The following PIBF1 variants were observed in gnomAD, a reference collection of about 807,000 sequenced individuals.
PIBF1 encodes progesterone immunomodulatory binding factor 1.
A neutral mutation model predicts 112.5 loss-of-function variants in PIBF1; 90 were observed. The ratio of observed to expected loss-of-function variants is 0.80; its 90% confidence interval spans 0.67 to 0.95. The LOEUF is 0.95. PIBF1 is among the 40% of genes least tolerant of loss of function. PIBF1 has a pLI of 0.00. For missense variants in PIBF1, 915 were observed against 852.3 expected (o/e 1.07, Z -0.92); for synonymous variants, 301 against 288.6 (o/e 1.04, Z -0.44).
chr13:73,002,741 T>C (rs1594352256), intron 17 of PIBF1, among the ~76,000 whole-genome samples: 1 of 152,072 alleles, frequency 6.6e-6, no homozygotes, highest in Non-Finnish European at 1.5e-5. Flanking sequence ...CCCAGCACTT[T>C]GAGAGGCCGA....
At chr13:72,783,823 A>C (rs949786151) in intron 2 of PIBF1, 102 bp downstream of exon 2, 1 of 1,094,450 alleles carries the variant, frequency 9.1e-7, no homozygotes, top group African/African-American at 1.6e-5. Context: ...GAAATGATAC[A>C]TTTATATTTC....
chr13:72,885,464 A>G (rs1420728701), intron 10 of PIBF1, among the ~76,000 whole-genome samples: 1 of 152,156 alleles, frequency 6.6e-6, no homozygotes, highest in Non-Finnish European at 1.5e-5. Context: ...CATGGTTACT[A>G]TGACTCCATT....
intron 2 of PIBF1, among the ~76,000 whole-genome samples, chr13:72,786,785 A>C (rs1836612025): frequency 6.6e-6 from 1 of 152,222 alleles, no homozygotes; most frequent in African/African-American, 2.4e-5. Flanking sequence ...TTTCTCTATC[A>C]TACGAGCACT....
At position 72,817,871 on chromosome 13, in the gene PIBF1, T is replaced by C. The variant is rs948028911; in HGVS notation, c.673-3978T>C. On this transcript the variant is annotated intron_variant, in intron 5 of 17. Transcript: ENST00000326291. ...TCCAATGCTATGGCTTACTCTATTT[T>C]AATTGCTAACAATAAATGCAGGAGA... Among the ~76,000 whole-genome samples the C allele has an allele frequency of 3.9e-5, 6 of 152,292 alleles. No individual in the cohort carries two copies. The East Asian group carries it at 1.2e-3, about 29-fold the overall frequency.
intron 5 of PIBF1, among the ~76,000 whole-genome samples, chr13:72,809,129 TC>T (rs1566297420): frequency 1.6e-5 from 2 of 126,706 alleles, no homozygotes; most frequent in African/African-American, 2.9e-5. Flanking sequence ...GCAGTATATG[TC>T]CCTTTTTTTT....
chr13:72,835,324 T>A lies in PIBF1; in HGVS notation c.1179T>A (p.Asp393Glu), dbSNP rs1282653111. The A allele has an allele frequency of 1.3e-6, 2 of 1,595,330 alleles. No homozygotes were observed. The highest frequency in any genetic ancestry group is 1.7e-6 in the Non-Finnish European group (2 of 1,172,420). Reference sequence around the variant, plus strand: ...GATTGAAAACCAACCAAGAAATTGATCAACTTCGAAATGCCTCTAGGGAAA... The same window carrying A: ...GATTGAAAACCAACCAAGAAATTGAACAACTTCGAAATGCCTCTAGGGAAA... ...QIRLKTNQEI[D>E]QLRNASREMY... is the part of the protein sequence containing the mutation. Residue 393 changes from aspartate to glutamate, a missense_variant, in exon 9 of 18, where the codon GAT becomes GAA. By Grantham distance (45) the Asp-to-Glu change is conservative. Transcript: ENST00000326291.
rs1257872326 is a variant in PIBF1 at position 72,795,369 on chromosome 13, G to A, written c.364G>A (p.Glu122Lys). 2 of 1,583,998 alleles carry A rather than the reference G, an allele frequency of 1.3e-6. No homozygotes were observed. The highest frequency in any genetic ancestry group is 2.2e-5 in the East Asian group (1 of 44,568). Residue 122 changes from glutamate (E) to lysine (K), a missense_variant, in exon 4 of 18, where the codon GAA (glutamate) becomes AAA (lysine). Glu to Lys is a moderately conservative substitution (Grantham distance 56). Transcript: ENST00000326291. ...TCTCTTCTAATGTAGCAAATATCAA[G>A]AATTAATGAAACAAGAAATGGAAAC... Reference protein sequence around the residue: ...FQQKDASKYQELMKQEMETIL... With the variant: ...FQQKDASKYQKLMKQEMETIL...
chr13:72,918,725 G>A (rs1295285951), intron 13 of PIBF1, among the ~76,000 whole-genome samples: 2 of 130,004 alleles, frequency 1.5e-5, no homozygotes, highest in East Asian at 2.3e-4. Context: ...TTTTTTTTGA[G>A]ACAGAGACTC....
intron 5 of PIBF1, among the ~76,000 whole-genome samples, chr13:72,804,422 A>G (rs1320645632): frequency 6.6e-6 from 1 of 152,196 alleles, no homozygotes; most frequent in Non-Finnish European, 1.5e-5. Context: ...TTGGAAGACA[A>G]AAGTGTATGA....
intron 16 of PIBF1, among the ~76,000 whole-genome samples, chr13:72,975,883 C>T (rs1263059853): frequency 6.6e-6 from 1 of 152,144 alleles, no homozygotes; most frequent in Non-Finnish European, 1.5e-5. Flanking sequence ...AGAGTAGTAA[C>T]TACAGATGAC....
chr13:72,917,287 T>G (rs1003322869), intron 13 of PIBF1, 121 bp downstream of exon 13: 17 of 440,340 alleles, frequency 3.9e-5, no homozygotes, highest in African/African-American at 3.3e-4. Context: ...GCATAAATAT[T>G]AAATTTCTCA....
chr13:72,785,877 T>C (rs952789629), intron 2 of PIBF1, among the ~76,000 whole-genome samples: 1 of 152,210 alleles, frequency 6.6e-6, no homozygotes, highest in Admixed American at 6.5e-5. Context: ...TTGTCCTTGG[T>C]TGTCAATGGC....
Position 72,797,940 on chromosome 13 carries a change from A to G in PIBF1, c.586A>G (p.Lys196Glu), listed in dbSNP as rs1425641700. Reference protein sequence around the residue: ...RFYELVNPLRKEICELQVKKN... With the variant: ...RFYELVNPLREEICELQVKKN... Reference sequence around the variant, plus strand: ...CTATGAGCTAGTGAATCCATTAAGAAAGGAAATCTGTGAACTACAAGTGAA... The same window carrying G: ...CTATGAGCTAGTGAATCCATTAAGAGAGGAAATCTGTGAACTACAAGTGAA... Residue 196 changes from lysine to glutamate, a missense_variant, in exon 5 of 18, where the codon AAG becomes GAG. Coordinates refer to ENST00000326291, the MANE Select transcript of PIBF1 (RefSeq NM_006346.4). 1 of 1,607,818 alleles carries G rather than the reference A, an allele frequency of 6.2e-7. No individual in the cohort carries two copies. The highest frequency in any genetic ancestry group is 8.5e-7 in the Non-Finnish European group (1 of 1,177,448).
At chr13:72,959,971 A>C (rs2042561284) in intron 14 of PIBF1, among the ~76,000 whole-genome samples, 1 of 152,188 alleles carries the variant, frequency 6.6e-6, no homozygotes, top group African/African-American at 2.4e-5. Flanking sequence ...GTACAGAAAG[A>C]TTTTTGAAAA....
At chr13:72,783,935 G>A (rs2034448047) in intron 2 of PIBF1, among the ~76,000 whole-genome samples, 1 of 152,116 alleles carries the variant, frequency 6.6e-6, no homozygotes, top group Admixed American at 6.5e-5. Context: ...GAGGGTTGGG[G>A]AGATGTTGGT....
chr13:72,820,211 G>A (rs562964093), intron 5 of PIBF1, among the ~76,000 whole-genome samples: 3 of 152,204 alleles, frequency 2.0e-5, no homozygotes, highest in Non-Finnish European at 4.4e-5. Flanking sequence ...GTAAACTAAC[G>A]TGCACAGAGT....
intron 14 of PIBF1, among the ~76,000 whole-genome samples, chr13:72,935,774 T>C (rs114931273): frequency 4.3e-4 from 65 of 152,308 alleles, no homozygotes; most frequent in African/African-American, 1.5e-3. Flanking sequence ...TGCATTTCTC[T>C]AATGACGAAT....
At chr13:72,825,663 A>G (rs777202933) in intron 6 of PIBF1, among the ~76,000 whole-genome samples, 11 of 152,210 alleles carry the variant, frequency 7.2e-5, no homozygotes, top group South Asian at 2.1e-4. Context: ...ACCTGCATAT[A>G]TTCACATATA....
chr13:72,947,349 AG>A (rs1247158450), intron 14 of PIBF1, among the ~76,000 whole-genome samples: 2 of 152,252 alleles, frequency 1.3e-5, no homozygotes, highest in African/African-American at 2.4e-5. Flanking sequence ...TGCATAGAGC[AG>A]GGGGGCCCTG....
Sources: allele counts gnomAD v4.1 joint callset (sites outside exome capture counted in the v4.1 genomes callset), GRCh38; gene constraint gnomAD v4.1.1; transcripts MANE v1.5; gene names NCBI Gene and HGNC (gene_info 2026-07-23, HGNC 2026-07-21).